Variants in PRPF4 observed in about 807,000 individuals in gnomAD.
The protein encoded by PRPF4 is pre-mRNA splicing tri-snRNP complex factor PRPF4, also known as U4/U6 small nuclear ribonucleoprotein Prp4.
Under a neutral mutation model 72.2 loss-of-function variants are expected in PRPF4, and 14 were observed. That is an observed-to-expected ratio of 0.19 (90% CI 0.13 to 0.30). The LOEUF is 0.30. PRPF4 is among the 10% of genes least tolerant of loss of function. PRPF4 has a pLI of 1.00. For synonymous variants in PRPF4, 225 were observed against 232.2 expected (o/e 0.97, Z 0.28); for missense variants, 478 against 653.9 (o/e 0.73, Z 2.93).
At chr9:113,291,235 T>A (rs1199610727) in intron 13 of PRPF4, among the ~76,000 whole-genome samples, 3 of 152,196 alleles carry the variant, frequency 2.0e-5, no homozygotes, top group African/African-American at 7.2e-5. Flanking sequence ...CTTTCATGAG[T>A]GCTTTGCTTC....
At chr9:113,279,169 A>G in intron 3 of PRPF4, 38 bp downstream of exon 3, 1 of 1,566,570 alleles carries the variant, frequency 6.4e-7, no homozygotes, top group Non-Finnish European at 8.7e-7. Flanking sequence ...TCTTTATTAT[A>G]ATCACAGGGT....
In PRPF4 at chr9:113,279,424, C is replaced by T. The variant is rs540884524; in HGVS notation, c.392+293C>T. ...TGTCACCCAGGCTTGAGTGCAGCGT[C>T]GTGATCTCGGCTCACTGCAGCCTCC... is the stretch of plus-strand genomic sequence containing the variant. On this transcript the variant is annotated intron_variant, in intron 3 of 13. Transcript: ENST00000374198. 9.9e-5 allele frequency among the ~76,000 whole-genome samples: 15 copies of T among 152,176 alleles called. No individual in the cohort carries two copies. In the South Asian group the frequency reaches 1.2e-3, roughly 13 times the overall value.
At chr9:113,286,673 C>T (rs762761962) in intron 8 of PRPF4, 32 bp from the exon 9 acceptor site, 19 of 1,613,796 alleles carry the variant, frequency 1.2e-5, no homozygotes, top group Non-Finnish European at 1.5e-5. Flanking sequence ...GAGGCAGGAA[C>T]CTTTTAACTT....
intron 1 of PRPF4, 105 bp from the exon 2 acceptor site, chr9:113,276,443 A>C (rs1240608887): frequency 2.4e-5 from 31 of 1,270,238 alleles, no homozygotes; most frequent in Non-Finnish European, 3.2e-5. Flanking sequence ...TTTCAATTAC[A>C]GAGGAAACAG....
chr9:113,290,368 G>C, intron 10 of PRPF4, 98 bp from the exon 11 acceptor site: 1 of 1,521,830 alleles, frequency 6.6e-7, no homozygotes, highest in Non-Finnish European at 9.0e-7. Context: ...AGTTTCAGAA[G>C]CATTAATAAC....
intron 8 of PRPF4, among the ~76,000 whole-genome samples, 159 bp downstream of exon 8, chr9:113,286,449 C>G (rs896630531): frequency 6.6e-6 from 1 of 152,096 alleles, no homozygotes; most frequent in Non-Finnish European, 1.5e-5. Context: ...ATCACAACTT[C>G]CTACACATCC....
At chr9:113,287,816 A>G (rs1048218278) in intron 9 of PRPF4, among the ~76,000 whole-genome samples, 1 of 152,190 alleles carries the variant, frequency 6.6e-6, no homozygotes, top group African/African-American at 2.4e-5. Flanking sequence ...GTTGCTGGGT[A>G]GCAGAATTTA....
intron 2 of PRPF4, among the ~76,000 whole-genome samples, chr9:113,277,677 C>T (rs1192021559): frequency 6.6e-6 from 1 of 152,038 alleles, no homozygotes; most frequent in African/African-American, 2.4e-5. Context: ...TGAGCCACTG[C>T]ACCTGACTGA....
intron 10 of PRPF4, among the ~76,000 whole-genome samples, chr9:113,289,494 A>G (rs1448370142): frequency 2.6e-5 from 4 of 152,180 alleles, no homozygotes; most frequent in African/African-American, 9.7e-5. Flanking sequence ...TGTCAGTCTT[A>G]CCATTTTGCC....
chr9:113,283,877 G>A (rs998930358), intron 6 of PRPF4, among the ~76,000 whole-genome samples: 37 of 152,002 alleles, frequency 2.4e-4, no homozygotes, highest in African/African-American at 7.0e-4. Context: ...AGACCAGCCT[G>A]GTCAACATGG....
chr9:113,277,386 T>TG (rs1832141635), intron 2 of PRPF4, among the ~76,000 whole-genome samples: 6 of 150,090 alleles, frequency 4.0e-5, no homozygotes, highest in African/African-American at 7.3e-5. Context: ...TGAAATCTTT[T>TG]TGTGTGTGTG....
At chr9:113,286,162 T>A in intron 7 of PRPF4, 70 bp from the exon 8 acceptor site, 10 of 1,515,782 alleles carry the variant, frequency 6.6e-6, no homozygotes, top group Non-Finnish European at 9.2e-6. Flanking sequence ...TGTCCTTTAG[T>A]AATATTACCA....
chr9:113,280,985 C>T (rs1832264065), intron 3 of PRPF4, among the ~76,000 whole-genome samples: 1 of 152,128 alleles, frequency 6.6e-6, no homozygotes, highest in African/African-American at 2.4e-5. Context: ...GGACTACAGG[C>T]ATGTGCCACC....
rs1036035702 is a variant in PRPF4 at position 113,277,693 on chromosome 9, C to CT, written c.205+975dup. Among the ~76,000 whole-genome samples, 3 of 149,962 alleles carry CT rather than the reference C, an allele frequency of 2.0e-5. No homozygotes were observed. In the East Asian group the frequency reaches 6.3e-4, roughly 32 times the overall value. On this transcript the variant is annotated intron_variant, in intron 2 of 13. Coordinates refer to ENST00000374198, the MANE Select transcript of PRPF4 (RefSeq NM_001244926.2). Reference sequence around the variant, plus strand: ...GAGCCACTGCACCTGACTGAGCTATCTTTTTTTATTATAAAAGTAATAGTG... The same window carrying CT: ...GAGCCACTGCACCTGACTGAGCTATCTTTTTTTTATTATAAAAGTAATAGTG...
chr9:113,285,658 G>A (rs1250269420), intron 7 of PRPF4, among the ~76,000 whole-genome samples: 2 of 151,694 alleles, frequency 1.3e-5, no homozygotes, highest in Non-Finnish European at 1.5e-5. Context: ...GATTACAGGT[G>A]TGAGCCACAG....
rs768775315 is a variant in PRPF4, at chr9:113,291,016, C to T, written c.1372C>T (p.Pro458Ser). Reference protein sequence around the residue: ...QNLVTGVKFEPIHGNFLLTGA... With the variant: ...QNLVTGVKFESIHGNFLLTGA... ...CTTAGTGACTGGTGTCAAGTTTGAG[C>T]GTAAGCTTTCCTCCTATTTTACGTC... Residue 458 changes from proline to serine, a missense_variant and splice_region_variant, in exon 13 of 14, where the codon CCT (proline) becomes TCT (serine). Physicochemically the swap from Pro to Ser is moderately conservative, Grantham distance 74 (BLOSUM62 -1). Transcript: ENST00000374198. The T allele has an allele frequency of 1.7e-5, 27 of 1,609,666 alleles. No homozygotes were observed. The highest frequency in any genetic ancestry group is 2.0e-5 in the Non-Finnish European group (24 of 1,176,092).
At chr9:113,276,134 A>G (rs978009864) in intron 1 of PRPF4, among the ~76,000 whole-genome samples, 1 of 152,246 alleles carries the variant, frequency 6.6e-6, no homozygotes, top group Non-Finnish European at 1.5e-5. Context: ...AACGTTTGAA[A>G]TGTATACACT....
intron 3 of PRPF4, 86 bp downstream of exon 3, chr9:113,279,217 TAA>T: frequency 8.5e-7 from 1 of 1,171,334 alleles, no homozygotes. Flanking sequence ...AGTTGAACTT[TAA>T]TAGAATGTCT....
rs1171372713 is a variant in PRPF4, at chr9:113,290,598, C to G, written c.1145+10C>G. The G allele has an allele frequency of 3.7e-6, 6 of 1,614,064 alleles. No individual in the cohort carries two copies. Among genetic ancestry groups the G allele is most frequent in the Non-Finnish European group, 5.1e-6 (6 of 1,180,038 alleles). On this transcript the variant is annotated intron_variant, in intron 11 of 13. Transcript: ENST00000374198. ...CTTTGGCTGGCACTGGGTAAGGCTT[C>G]TCCCATGTAGTCAGGGGCAGTTCAG...
Sources: gnomAD v4.1 joint callset for allele counts (sites outside exome capture counted in the v4.1 genomes callset) on GRCh38, gnomAD v4.1.1 for gene constraint, MANE v1.5 for transcripts, NCBI Gene and HGNC (gene_info 2026-07-23, HGNC 2026-07-21) for gene names.